Variants in SLC45A4 observed in about 807,000 individuals in gnomAD.
SLC45A4 encodes the protein solute carrier family 45 member 4.
SLC45A4 carries 32 observed loss-of-function variants against 63.7 expected under a neutral mutation model. The observed-to-expected ratio is 0.50, with a 90% CI of 0.38 to 0.67. The LOEUF (loss-of-function observed/expected upper bound fraction) is 0.67. Among genes scored for constraint, SLC45A4 ranks in the 30% least tolerant of loss-of-function variants. The probability of loss-of-function intolerance (pLI) is 0.00; values close to 1 mark genes in which losing one functional copy is unlikely to be tolerated. For synonymous variants in SLC45A4, 535 were observed against 510.0 expected (o/e 1.05, Z -0.66); for missense variants, 1,027 against 1,157.7 (o/e 0.89, Z 1.64).
intron 7 of SLC45A4, among the ~76,000 whole-genome samples, chr8:141,214,838 C>G (rs1826043172): frequency 6.6e-6 from 1 of 152,170 alleles, no homozygotes; most frequent in Admixed American, 6.5e-5. Context: ...GGGTCATGAC[C>G]TAGGCAGACA....
intron 3 of SLC45A4, 88 bp from the exon 4 acceptor site, chr8:141,219,917 C>T (rs879416954): frequency 1.7e-5 from 22 of 1,291,196 alleles, no homozygotes; most frequent in South Asian, 4.5e-5. Context: ...AAGGGGCATG[C>T]GGAGGGGGCA....
At chr8:141,287,644 C>T (rs1005004455) in intron 1 of SLC45A4, among the ~76,000 whole-genome samples, 3 of 152,220 alleles carry the variant, frequency 2.0e-5, no homozygotes, top group African/African-American at 4.8e-5. Context: ...TTCAGTCTAG[C>T]GAGAGAATGC....
At chr8:141,259,927 T>C (rs1428079055) in intron 1 of SLC45A4, among the ~76,000 whole-genome samples, 2 of 152,236 alleles carry the variant, frequency 1.3e-5, no homozygotes, top group African/African-American at 4.8e-5. Flanking sequence ...ATGGGGTATC[T>C]GCACTGGAAA....
intron 1 of SLC45A4, among the ~76,000 whole-genome samples, chr8:141,258,867 C>T (rs1284962086): frequency 2.0e-5 from 3 of 148,242 alleles, no homozygotes; most frequent in East Asian, 1.9e-4. Context: ...CTCCAGTCTG[C>T]GAGACACAGT....
chr8:141,223,031 A>G (rs992523622), intron 2 of SLC45A4, among the ~76,000 whole-genome samples: 3 of 152,214 alleles, frequency 2.0e-5, no homozygotes, highest in Non-Finnish European at 4.4e-5. Flanking sequence ...CTAACATTGT[A>G]CACTGCCAAA....
chr8:141,220,707 C>T (rs368711877), intron 3 of SLC45A4, among the ~76,000 whole-genome samples: 4 of 152,228 alleles, frequency 2.6e-5, no homozygotes, highest in African/African-American at 9.6e-5. Flanking sequence ...CCTCAGACCA[C>T]GGGCAGGCGA....
At chr8:141,284,343 T>G (rs935871773) in intron 1 of SLC45A4, among the ~76,000 whole-genome samples, 1 of 152,194 alleles carries the variant, frequency 6.6e-6, no homozygotes, top group African/African-American at 2.4e-5. Context: ...TGAGGGCACC[T>G]GCCCAGCGCC....
rs556827558 is a variant in SLC45A4, at chr8:141,253,981, A to C, written c.241+8T>G. ...CGTTCACTGCGCACAGACGGGGAGG[A>C]GACTTACCAATCTGCAACAGTATTG... On this transcript the variant is annotated splice_region_variant and intron_variant, in intron 2 of 8. Transcript: ENST00000517878. 1 of 1,535,998 alleles carries C rather than the reference A, an allele frequency of 6.5e-7. No individual in the cohort carries two copies. Among genetic ancestry groups the C allele is most frequent in the African/African-American group, 1.4e-5 (1 of 73,160 alleles).
At chr8:141,222,678 G>A (rs975635900) in intron 2 of SLC45A4, among the ~76,000 whole-genome samples, 4 of 152,236 alleles carry the variant, frequency 2.6e-5, no homozygotes, top group Admixed American at 6.5e-5. Context: ...ACGAGCGGCC[G>A]CCTTGTGCAG....
chr8:141,286,256 G>A (rs759874657), intron 1 of SLC45A4, among the ~76,000 whole-genome samples: 4 of 152,130 alleles, frequency 2.6e-5, no homozygotes, highest in African/African-American at 9.7e-5. Context: ...TCCTTCCCTC[G>A]GGAGCTGAGG....
At chr8:141,258,878 G>A (rs1828928062) in intron 1 of SLC45A4, among the ~76,000 whole-genome samples, 1 of 144,120 alleles carries the variant, frequency 6.9e-6, no homozygotes, top group Admixed American at 7.1e-5. Flanking sequence ...GAGACACAGT[G>A]AGACCTCTTT....
chr8:141,301,734 CAAAAAAAAAAAAAAAA>C (rs564016568), intron 1 of SLC45A4, among the ~76,000 whole-genome samples: 2 of 39,564 alleles, frequency 5.1e-5, no homozygotes, highest in Admixed American at 4.1e-4. Flanking sequence ...GACCCTATCT[CAAAAAAAAAAAAAAAA>C]AAAAAAAAAA....
chr8:141,283,127 T>C (rs566734799), intron 1 of SLC45A4, among the ~76,000 whole-genome samples: 3 of 152,262 alleles, frequency 2.0e-5, no homozygotes, highest in Non-Finnish European at 4.4e-5. Flanking sequence ...ATCCAAAATT[T>C]GTCACATCAC....
Position 141,210,860 on chromosome 8 carries a change from C to T in SLC45A4, c.*712G>A, listed in dbSNP as rs866529890. 1.3e-5 allele frequency: 2 copies of T among 152,272 alleles called. No individual in the cohort carries two copies. The highest frequency in any genetic ancestry group is 2.9e-5 in the Non-Finnish European group (2 of 68,060). 9.4% of individuals were successfully genotyped at this position (152,272 alleles called of 1,614,324 possible). A position where few individuals can be genotyped will look rare whatever the true frequency, so the allele number is the denominator to read the frequency against. On this transcript the variant is annotated 3_prime_UTR_variant, in exon 9 of 9. Transcript: ENST00000517878. ...GCCTACACCGACCGTTTCAAATAGG[C>T]TTAGTTCTAAAGAGACTGTGGTTTG... is the stretch of plus-strand genomic sequence containing the variant.
In SLC45A4 at chr8:141,218,324, C is replaced by T. The variant is rs148333047; in HGVS notation, c.1316G>A (p.Arg439His). ...YYGKLGSHCY[R>H]YRRANAVVLI... ...CACCACGGCGTTGGCGCGCCGGTAG[C>T]GGTAGCAGTGGGACCCAAGCTTGCC... The change falls in exon 5 of 9, where the codon CGC becomes CAC. Residue 439 changes from arginine to histidine, a missense_variant. Physicochemically the swap from Arg to His is conservative, Grantham distance 29 (BLOSUM62 0). Coordinates refer to ENST00000517878, the MANE Select transcript of SLC45A4 (RefSeq NM_001286646.2). 53 of 1,607,410 alleles carry T rather than the reference C, an allele frequency of 3.3e-5. No homozygotes were observed. Among genetic ancestry groups the T allele is most frequent in the African/African-American group, 9.3e-5 (7 of 74,930 alleles).
chr8:141,229,084 TA>T lies in SLC45A4; in HGVS notation c.242-7320del, dbSNP rs2154614277. 6.6e-6 allele frequency among the ~76,000 whole-genome samples: 1 copy of T among 152,266 alleles called. No individual in the cohort carries two copies. The highest frequency in any genetic ancestry group is 1.9e-4 in the East Asian group (1 of 5,184). ...AAGACACTGCTGCCTCTGCCTGAAG[TA>T]CTTTACCTTCCCCCCTTACCTGACA... On this transcript the variant is annotated intron_variant, in intron 2 of 8. Coordinates refer to ENST00000517878, the MANE Select transcript of SLC45A4 (RefSeq NM_001286646.2). This position sits in a 1 kb window ranked among gnomAD's most constrained non-coding sequence, Gnocchi z 5.0.
chr8:141,264,654 G>T (rs149271965), intron 1 of SLC45A4, among the ~76,000 whole-genome samples: 10 of 152,232 alleles, frequency 6.6e-5, no homozygotes, highest in African/African-American at 2.4e-4. Context: ...CTGCTGAGTC[G>T]TTCTCTCCAA....
chr8:141,275,204 C>T (rs1270874043), intron 1 of SLC45A4, among the ~76,000 whole-genome samples: 2 of 152,126 alleles, frequency 1.3e-5, no homozygotes, highest in African/African-American at 2.4e-5. Context: ...AGCGAGCAGC[C>T]CCTCATTTAT....
At position 141,208,431 on chromosome 8, in the gene SLC45A4, C is replaced by T. The variant is rs980775194; in HGVS notation, c.*3141G>A. The T allele has an allele frequency of 6.6e-6, 1 of 152,160 alleles. No homozygotes were observed. The highest frequency in any genetic ancestry group is 2.4e-5 in the African/African-American group (1 of 41,418). 9.4% of individuals were successfully genotyped at this position (152,160 alleles called of 1,614,324 possible). A position where few individuals can be genotyped will look rare whatever the true frequency, so the allele number is the denominator to read the frequency against. ...CTAGGTGGTCACAGACCAAGTCCTC[C>T]ACACCTGGGGCATTCAAGAAACACT... is the stretch of plus-strand genomic sequence containing the variant. On this transcript the variant is annotated 3_prime_UTR_variant, in exon 9 of 9. Transcript: ENST00000517878.
Sources: allele counts gnomAD v4.1 joint callset (sites outside exome capture counted in the v4.1 genomes callset), GRCh38; gene constraint gnomAD v4.1.1; non-coding constraint Gnocchi (gnomAD v3.1); transcripts MANE v1.5; gene names NCBI Gene and HGNC (gene_info 2026-07-23, HGNC 2026-07-21).